The following GGNBP2 variants were observed in gnomAD, a reference collection of about 807,000 sequenced individuals.
The protein encoded by GGNBP2 is gametogenetin binding protein 2, also known as gametogenetin-binding protein 2.
A neutral mutation model predicts 85.9 loss-of-function variants in GGNBP2; 10 were observed. That is an observed-to-expected ratio of 0.12 (90% CI 0.07 to 0.20). The LOEUF (loss-of-function observed/expected upper bound fraction) is 0.20, where lower values mean the gene tolerates loss of function less well. Ranked by LOEUF, GGNBP2 falls within the 10% of genes least tolerant of loss-of-function variation. The probability of loss-of-function intolerance (pLI) is 1.00; values close to 1 mark genes in which losing one functional copy is unlikely to be tolerated. For missense variants in GGNBP2, 595 were observed against 857.8 expected, an observed-to-expected ratio of 0.69 and a Z score of 3.83; for synonymous variants, 287 against 285.7, an observed-to-expected ratio of 1.00 and a Z score of -0.05.
At chr17:36,561,539 A>G (rs960109373) in intron 5 of GGNBP2, among the ~76,000 whole-genome samples, 2 of 152,168 alleles carry the variant, frequency 1.3e-5, no homozygotes, top group Non-Finnish European at 1.5e-5. Context: ...TCTTGTCTCT[A>G]GCTGTAATTT....
At chr17:36,573,029 C>A (rs2074541953) in intron 6 of GGNBP2, among the ~76,000 whole-genome samples, 1 of 152,084 alleles carries the variant, frequency 6.6e-6, no homozygotes, top group African/African-American at 2.4e-5. Context: ...TGACAGGATT[C>A]CCCTCTAAAA....
intron 2 of GGNBP2, among the ~76,000 whole-genome samples, chr17:36,552,751 TGACTCAC>T (rs1045548379): frequency 9.2e-5 from 14 of 152,184 alleles, no homozygotes; most frequent in African/African-American, 3.4e-4. Context: ...TCAGGCGTGG[TGACTCAC>T]GCCTGTAATC....
At chr17:36,584,855 G>A (rs934245906) in intron 9 of GGNBP2, among the ~76,000 whole-genome samples, 1 of 151,874 alleles carries the variant, frequency 6.6e-6, no homozygotes. Context: ...TTGAGAGGCT[G>A]AGGCAGAAGG....
chr17:36,558,876 G>A (rs957291164), intron 4 of GGNBP2, among the ~76,000 whole-genome samples: 3 of 152,042 alleles, frequency 2.0e-5, no homozygotes, highest in African/African-American at 7.2e-5. Context: ...ATGAATGACG[G>A]CTTTGGAGGT....
At chr17:36,572,291 C>A (rs1007008986) in intron 6 of GGNBP2, among the ~76,000 whole-genome samples, 1 of 152,148 alleles carries the variant, frequency 6.6e-6, no homozygotes, top group Admixed American at 6.5e-5. Flanking sequence ...TGTGAACTTG[C>A]TGTTTATAAC....
intron 9 of GGNBP2, chr17:36,582,462 T>C (rs2074660664): frequency 6.6e-6 from 1 of 152,220 alleles, no homozygotes; most frequent in African/African-American, 2.4e-5. Context: ...TCTGTACATG[T>C]TCAGTACAGA....
intron 2 of GGNBP2, among the ~76,000 whole-genome samples, chr17:36,549,552 A>G (rs757823725): frequency 6.6e-6 from 1 of 152,170 alleles, no homozygotes; most frequent in African/African-American, 2.4e-5. Flanking sequence ...TACAAAACAA[A>G]TTACCCTTAG....
intron 12 of GGNBP2, chr17:36,586,465 A>G (rs1439602156): frequency 2.2e-6 from 1 of 449,114 alleles, no homozygotes; most frequent in East Asian, 4.0e-5. Flanking sequence ...ATCTTAAACA[A>G]TTTGTTTAGT....
intron 1 of GGNBP2, chr17:36,545,400 C>T: frequency 4.6e-6 from 1 of 218,994 alleles, no homozygotes. Flanking sequence ...TGACTGGAGG[C>T]CGGCGGGCGG....
chr17:36,569,305 G>A (rs2074499600), intron 6 of GGNBP2, among the ~76,000 whole-genome samples: 1 of 152,148 alleles, frequency 6.6e-6, no homozygotes, highest in South Asian at 2.1e-4. Flanking sequence ...CCAGCTACTT[G>A]GGAGACTGAG....
chr17:36,586,373 A>G, intron 12 of GGNBP2, 175 bp downstream of exon 12: 1 of 673,318 alleles, frequency 1.5e-6, no homozygotes, highest in Non-Finnish European at 2.4e-6. Flanking sequence ...GGGCAGAGAG[A>G]GATGTGATCA....
chr17:36,557,304 A>G lies in GGNBP2; in HGVS notation c.396A>G (p.Ala132=), dbSNP rs754200004. ...LSVTRSCMTD[A]KKLYTLFYVH... ...TAACTAGAAGCTGCATGACTGATGC[A>G]AAGAAGCTTTATACATTATTTTATG... Residue 132 remains alanine (A), a synonymous_variant, in exon 4 of 14, where the codon GCA becomes GCG. Coordinates refer to ENST00000613102, the MANE Select transcript of GGNBP2 (RefSeq NM_024835.5). 1.9e-6 allele frequency: 3 copies of G among 1,613,926 alleles called. No homozygotes were observed. Among genetic ancestry groups the G allele is most frequent in the Non-Finnish European group, 2.5e-6 (3 of 1,179,772 alleles).
At chr17:36,545,871 T>A (rs2074248602) in intron 2 of GGNBP2, 54 bp downstream of exon 2, 5 of 1,247,206 alleles carry the variant, frequency 4.0e-6, no homozygotes, top group African/African-American at 1.5e-5. Flanking sequence ...CTGTTTCCCC[T>A]CCTCCCCCTC....
At chr17:36,572,570 T>A (rs560320539) in intron 6 of GGNBP2, among the ~76,000 whole-genome samples, 1 of 152,100 alleles carries the variant, frequency 6.6e-6, no homozygotes, top group East Asian at 1.9e-4. Context: ...ACACCTGTAG[T>A]CCCAGGTACT....
intron 4 of GGNBP2, among the ~76,000 whole-genome samples, chr17:36,558,414 CAAAAAAAAAAAAAA>C (rs755597241): frequency 5.3e-5 from 1 of 18,976 alleles, no homozygotes; most frequent in African/African-American, 1.9e-4. Flanking sequence ...AGCTCCATCT[CAAAAAAAAAAAAAA>C]AAAAAAAAAA....
At chr17:36,561,375 A>G (rs1287420754) in intron 5 of GGNBP2, among the ~76,000 whole-genome samples, 2 of 152,050 alleles carry the variant, frequency 1.3e-5, no homozygotes, top group South Asian at 2.1e-4. Context: ...CGCCCACCTC[A>G]GCCTCCAAAG....
At position 36,567,647 on chromosome 17, in the gene GGNBP2, T is replaced by C; in HGVS notation, c.528-16T>C. ...TCTGTATTCTCCCTTTTCACTAATA[T>C]TTGTTCTTTCTACAGAGGTTGTTGG... On this transcript the variant is annotated splice_polypyrimidine_tract_variant and intron_variant, in intron 5 of 13. Transcript: ENST00000613102. 3.0e-6 allele frequency: 4 copies of C among 1,340,054 alleles called. No individual in the cohort carries two copies. The highest frequency in any genetic ancestry group is 1.8e-4 in the Middle Eastern group (1 of 5,466). 83.0% of individuals were successfully genotyped at this position (1,340,054 alleles called of 1,614,324 possible).
chr17:36,548,407 G>C (rs934748184), intron 2 of GGNBP2, among the ~76,000 whole-genome samples: 7 of 151,746 alleles, frequency 4.6e-5, no homozygotes, highest in Non-Finnish European at 1.0e-4. Context: ...TGGAGGTCAG[G>C]AATTCAAGAC....
Position 36,578,129 on chromosome 17 carries a change from G to C in GGNBP2, c.788G>C (p.Cys263Ser), listed in dbSNP as rs753306931. Reference protein sequence around the residue: ...CPHERHIHVCCETDFIAHLLG... With the variant: ...CPHERHIHVCSETDFIAHLLG... ...CATGAACGACACATACATGTTTGCT[G>C]TGAAACAGACTTCATTGCACATCTT... is the stretch of plus-strand genomic sequence containing the variant. The change falls in exon 7 of 14, where the codon TGT becomes TCT. Residue 263 changes from cysteine (C) to serine (S), a missense_variant. This residue lies in a region of GGNBP2 where 92 missense variants were observed against 183.9 expected (regional missense o/e 0.50). Coordinates refer to ENST00000613102, the MANE Select transcript of GGNBP2 (RefSeq NM_024835.5). 1 of 1,614,062 alleles carries C rather than the reference G, an allele frequency of 6.2e-7. No individual in the cohort carries two copies. Among genetic ancestry groups the C allele is most frequent in the Non-Finnish European group, 8.5e-7 (1 of 1,179,908 alleles).
Sources: allele counts gnomAD v4.1 joint callset (sites outside exome capture counted in the v4.1 genomes callset), GRCh38; gene constraint gnomAD v4.1.1; regional missense constraint gnomAD v4.1.1; transcripts MANE v1.5; gene names NCBI Gene and HGNC (gene_info 2026-07-23, HGNC 2026-07-21).